QNG1: variants seen among roughly 807,000 people sequenced by gnomAD.
QNG1 encodes Q-nucleotide N-glycosylase 1.
At chr9:83,946,174 G>A in the QNG1 span, among the ~76,000 whole-genome samples, 1 of 151,690 alleles carries the variant, frequency 6.6e-6, no homozygotes, top group African/African-American at 2.4e-5. Flanking sequence ...GTGTGGTGGC[G>A]ATCGCCTGTA....
At chr9:83,955,561 G>A in the QNG1 span, 2 of 1,614,050 alleles carry the variant, frequency 1.2e-6, no homozygotes, top group Non-Finnish European at 8.5e-7. Context: ...GCATGGAAAC[G>A]TCTGTGTCAG....
chr9:83,948,514 G>C, the QNG1 span, among the ~76,000 whole-genome samples: 44 of 148,458 alleles, frequency 3.0e-4, no homozygotes, highest in South Asian at 4.3e-4. Context: ...TGTCCGGGAG[G>C]GGGGGGGCGC....
the QNG1 span, among the ~76,000 whole-genome samples, chr9:83,952,213 G>A: frequency 1.3e-5 from 2 of 152,084 alleles, no homozygotes; most frequent in Non-Finnish European, 2.9e-5. Context: ...CGACCTCCTG[G>A]GCTCAAGCAA....
chr9:83,944,922 C>T, the QNG1 span: 2 of 1,614,078 alleles, frequency 1.2e-6, no homozygotes, highest in Middle Eastern at 1.6e-4. Context: ...ATCTCCTTTT[C>T]CTTCCAATAC....
chr9:83,952,892 G>A, the QNG1 span, among the ~76,000 whole-genome samples: 517 of 151,508 alleles, frequency 3.4e-3, 2 homozygotes, highest in African/African-American at 0.011. Flanking sequence ...CCTGGGAGGC[G>A]GAGGTTGCAG....
the QNG1 span, chr9:83,953,811 T>G: frequency 6.5e-7 from 1 of 1,549,140 alleles, no homozygotes. Context: ...CCTGTGAGGG[T>G]CCAACAAAAT....
the QNG1 span, among the ~76,000 whole-genome samples, chr9:83,946,089 G>A: frequency 1.5e-4 from 23 of 151,924 alleles, no homozygotes; most frequent in South Asian, 4.6e-3. Flanking sequence ...GGAGGATCAC[G>A]AGGTCAGGAG....
chr9:83,946,954 T>C, the QNG1 span, among the ~76,000 whole-genome samples: 3 of 151,724 alleles, frequency 2.0e-5, no homozygotes, highest in Non-Finnish European at 4.4e-5. Flanking sequence ...GCCTGTAGTC[T>C]CAGCTACTCA....
chr9:83,941,561 A>G, the QNG1 span, among the ~76,000 whole-genome samples: 13 of 152,182 alleles, frequency 8.5e-5, no homozygotes, highest in Non-Finnish European at 1.3e-4. Context: ...ACTGCACTCC[A>G]GCCTTGGTGA....
the QNG1 span, among the ~76,000 whole-genome samples, chr9:83,955,175 C>T: frequency 3.3e-5 from 5 of 152,122 alleles, no homozygotes; most frequent in East Asian, 5.8e-4. Flanking sequence ...CTCCAGCCTG[C>T]GCAACAAGAG....
the QNG1 span, among the ~76,000 whole-genome samples, chr9:83,941,966 C>T: frequency 6.6e-6 from 1 of 151,458 alleles, no homozygotes; most frequent in South Asian, 2.1e-4. Flanking sequence ...ATAAGAAGGC[C>T]ATGATTGGTG....
chr9:83,953,495 C>T, the QNG1 span, among the ~76,000 whole-genome samples: 1 of 149,702 alleles, frequency 6.7e-6, no homozygotes, highest in Admixed American at 6.7e-5. Flanking sequence ...TTACAGGCAC[C>T]CACCACCACA....
the QNG1 span, chr9:83,956,406 G>A: frequency 1.3e-6 from 2 of 1,595,148 alleles, no homozygotes; most frequent in Admixed American, 3.5e-5. Context: ...CAGCAGCTCT[G>A]CCACCCTCCG....
the QNG1 span, chr9:83,939,870 T>G: frequency 4.6e-6 from 3 of 657,976 alleles, no homozygotes; most frequent in Non-Finnish European, 7.9e-6. Context: ...TCAGACGTTA[T>G]TTTTGGTAAT....
At chr9:83,940,269 G>A in the QNG1 span, among the ~76,000 whole-genome samples, 1 of 152,010 alleles carries the variant, frequency 6.6e-6, no homozygotes, top group East Asian at 1.9e-4. Flanking sequence ...GCCAGGCATG[G>A]TGGTATGTGC....
At chr9:83,940,459 A>G in the QNG1 span, among the ~76,000 whole-genome samples, 2 of 152,104 alleles carry the variant, frequency 1.3e-5, no homozygotes, top group Non-Finnish European at 2.9e-5. Context: ...TCTCCAAAAT[A>G]AATAAATATT....
chr9:83,941,077 C>T, the QNG1 span, among the ~76,000 whole-genome samples: 2 of 152,180 alleles, frequency 1.3e-5, no homozygotes, highest in Non-Finnish European at 1.5e-5. Context: ...CGCTCCCACC[C>T]GAGTAGAGCT....
chr9:83,943,502 AT>A, the QNG1 span, among the ~76,000 whole-genome samples: 1 of 152,188 alleles, frequency 6.6e-6, no homozygotes, highest in African/African-American at 2.4e-5. Context: ...TTTTAAAGGT[AT>A]CCAACAATTA....
chr9:83,955,497 C>T, the QNG1 span: 1 of 1,614,170 alleles, frequency 6.2e-7, no homozygotes, highest in South Asian at 1.1e-5. Context: ...CCAAACTTCT[C>T]CAGCAGAATT....
Sources: allele counts gnomAD v4.1 joint callset (sites outside exome capture counted in the v4.1 genomes callset), GRCh38; gene constraint gnomAD v4.1.1; transcripts MANE v1.5; gene names NCBI Gene and HGNC (gene_info 2026-07-23, HGNC 2026-07-21).